The following CTSE variants were observed in gnomAD, a reference collection of about 807,000 sequenced individuals.
CTSE encodes cathepsin E.
Under a neutral mutation model 42.8 loss-of-function variants are expected in CTSE, and 43 were observed. The ratio of observed to expected loss-of-function variants is 1.01; its 90% CI spans 0.79 to 1.30. The LOEUF is 1.30. CTSE is among the 50% of genes most tolerant of loss of function. The pLI is 0.00. For missense variants in CTSE, 532 were observed against 493.5 expected, an observed-to-expected ratio of 1.08 and a Z score of -0.74; for synonymous variants, 205 against 191.5, an observed-to-expected ratio of 1.07 and a Z score of -0.58.
intron 8 of CTSE, 58 bp downstream of exon 8, chr1:206,012,250 A>G: frequency 1.4e-6 from 2 of 1,390,132 alleles, no homozygotes; most frequent in Non-Finnish European, 2.0e-6. Flanking sequence ...TGAAAAGGGG[A>G]AGTGGCAGGC....
At chr1:206,014,004 G>A in intron 5 of CTSE, 110 bp from the exon 6 acceptor site, 1 of 1,202,456 alleles carries the variant, frequency 8.3e-7, no homozygotes. Flanking sequence ...ACACAGGTAG[G>A]CAGAAACATC....
Position 206,022,938 on chromosome 1 carries a change from T to G in CTSE, c.188A>C (p.Asp63Ala). The G allele has an allele frequency of 6.2e-7, 1 of 1,600,484 alleles. No individual in the cohort carries two copies. Among genetic ancestry groups the G allele is most frequent in the Non-Finnish European group, 8.5e-7 (1 of 1,171,670 alleles). The change falls in exon 2 of 9, where the codon GAC (aspartate) becomes GCC (alanine). Residue 63 changes from aspartate (D) to alanine (A), a missense_variant. By Grantham distance (126) the Asp-to-Ala change is moderately radical (BLOSUM62 -2). Transcript: ENST00000358184. ...MIQFTESCSM[D>A]QSAKEPLINY... ...GATGAGGGGTTCCTTGGCACTCTGGTCCATTGAGCAGGACTCGGTGAACTG... is the reference window on the plus strand; with the variant it reads ...GATGAGGGGTTCCTTGGCACTCTGGGCCATTGAGCAGGACTCGGTGAACTG...
chr1:206,013,880 C>A lies in CTSE; in HGVS notation c.677G>T (p.Gly226Val). Reference protein sequence around the residue: ...SVYMSSNPEGGAGSELIFGGY... With the variant: ...SVYMSSNPEGVAGSELIFGGY... ...TCCAAAAATCAGCTCGCTCCCCGCA[C>A]CACCTTCTGGGTTACTACATGGAGA... The change falls in exon 6 of 9, where the codon GGT becomes GTT. Residue 226 changes from glycine (G) to valine (V), a missense_variant. Transcript: ENST00000358184. 1 of 1,613,704 alleles carries A rather than the reference C, an allele frequency of 6.2e-7. No individual in the cohort carries two copies. The highest frequency in any genetic ancestry group is 1.7e-5 in the Admixed American group (1 of 59,992).
intron 3 of CTSE, 66 bp downstream of exon 3, chr1:206,022,084 T>G: frequency 9.1e-7 from 1 of 1,095,262 alleles, no homozygotes; most frequent in Non-Finnish European, 1.3e-6. Context: ...TTCCCCAGAG[T>G]ACCAGGCTTG....
At chr1:206,012,742 A>T in intron 6 of CTSE, 93 bp from the exon 7 acceptor site, 5 of 1,397,312 alleles carry the variant, frequency 3.6e-6, no homozygotes, top group Non-Finnish European at 5.0e-6. Flanking sequence ...CCTGGAGCAC[A>T]TCAATGATTT....
At chr1:206,016,657 T>C (rs982128606) in intron 4 of CTSE, among the ~76,000 whole-genome samples, 6 of 152,136 alleles carry the variant, frequency 3.9e-5, no homozygotes, top group African/African-American at 1.2e-4. Flanking sequence ...TCTATCTGGA[T>C]ATTCATATGA....
chr1:206,011,118 A>G (rs1661086415), intron 8 of CTSE, among the ~76,000 whole-genome samples: 1 of 152,028 alleles, frequency 6.6e-6, no homozygotes, highest in South Asian at 2.1e-4. Flanking sequence ...CACTCACTGT[A>G]CTGCGAAAGA....
rs1204668602 is a variant in CTSE at position 206,012,525 on chromosome 1, C to CT, written c.909dup (p.Ala304SerfsTer15). 2 of 1,613,932 alleles carry CT rather than the reference C, an allele frequency of 1.2e-6. No homozygotes were observed. The highest frequency in any genetic ancestry group is 2.7e-5 in the African/African-American group (2 of 74,938). On this transcript the variant is annotated frameshift_variant, in exon 7 of 9. Coordinates refer to ENST00000358184, the MANE Select transcript of CTSE (RefSeq NM_001910.4). LOFTEE classifies it high-confidence loss of function. Reference sequence around the variant, plus strand: ...GCACTCACTTCTCCATCCACGGGGGCTGCCCCAATGGCGTTTTGCAGCTGC... The same window carrying CT: ...GCACTCACTTCTCCATCCACGGGGGCTTGCCCCAATGGCGTTTTGCAGCTGC...
Position 206,010,084 on chromosome 1 carries a change from A to G in CTSE, c.*99T>C, listed in dbSNP as rs1661042404. On this transcript the variant is annotated 3_prime_UTR_variant, in exon 9 of 9. Transcript: ENST00000358184. ...TCAAGTTGCAACCCTGGAAACAGCT[A>G]CATTCTCTGGAAAATAACTTTTTGT... The G allele has an allele frequency of 3.4e-6, 5 of 1,480,662 alleles. No homozygotes were observed. In the South Asian group the frequency reaches 5.8e-5, roughly 17 times the overall value. 91.7% of individuals were successfully genotyped at this position (1,480,662 alleles called of 1,614,324 possible).
chr1:206,023,118 T>G, intron 1 of CTSE, 61 bp from the exon 2 acceptor site: 1 of 1,228,840 alleles, frequency 8.1e-7, no homozygotes, highest in South Asian at 1.2e-5. Flanking sequence ...CCCCCCATTC[T>G]CGTCCCATTT....
chr1:206,019,072 C>T (rs1287660901), intron 4 of CTSE, among the ~76,000 whole-genome samples: 1 of 152,082 alleles, frequency 6.6e-6, no homozygotes, highest in Non-Finnish European at 1.5e-5. Context: ...GCATCAGCTT[C>T]ATCTACAAAT....
At chr1:206,014,754 A>T (rs937572558) in intron 5 of CTSE, among the ~76,000 whole-genome samples, 1 of 152,074 alleles carries the variant, frequency 6.6e-6, no homozygotes, top group Non-Finnish European at 1.5e-5. Flanking sequence ...GATATTCTCC[A>T]TTACAGCCCA....
At chr1:206,016,224 A>G in intron 4 of CTSE, 94 bp from the exon 5 acceptor site, 1 of 1,160,902 alleles carries the variant, frequency 8.6e-7, no homozygotes, top group Non-Finnish European at 1.3e-6. Flanking sequence ...TCTTGAAGCT[A>G]ATGCCTCTCC....
chr1:206,011,278 C>A (rs1214489809), intron 8 of CTSE, among the ~76,000 whole-genome samples: 2 of 151,986 alleles, frequency 1.3e-5, no homozygotes, highest in Non-Finnish European at 2.9e-5. Context: ...CACGCACCTC[C>A]CCTCCCCTGG....
At position 206,022,985 on chromosome 1, in the gene CTSE, T is replaced by C. The variant is rs1553278700; in HGVS notation, c.141A>G (p.Lys47=). ...ACTGGATCATGTCCAAATTATGGGATTTCCAGAACTCAGAGAGCTGGCTCC... is the reference window on the plus strand; with the variant it reads ...ACTGGATCATGTCCAAATTATGGGACTTCCAGAACTCAGAGAGCTGGCTCC... ...RARSQLSEFW[K]SHNLDMIQFT... Residue 47 remains lysine (K), a synonymous_variant, in exon 2 of 9, where the codon AAA becomes AAG. Transcript: ENST00000358184. The C allele has an allele frequency of 6.2e-7, 1 of 1,612,514 alleles. No individual in the cohort carries two copies. The highest frequency in any genetic ancestry group is 8.5e-7 in the Non-Finnish European group (1 of 1,179,062).
intron 5 of CTSE, 46 bp from the exon 6 acceptor site, chr1:206,013,940 A>G (rs1553277477): frequency 1.9e-6 from 3 of 1,604,736 alleles, no homozygotes; most frequent in Non-Finnish European, 2.6e-6. Flanking sequence ...CCACTGCAAA[A>G]CTCTAGGGGT....
chr1:206,010,349 T>C lies in CTSE; in HGVS notation c.1027-2A>G. The C allele has an allele frequency of 6.2e-7, 1 of 1,612,218 alleles. No individual in the cohort carries two copies. The highest frequency in any genetic ancestry group is 1.1e-5 in the South Asian group (1 of 91,032). On this transcript the variant is annotated splice_acceptor_variant, in intron 8 of 8. Transcript: ENST00000358184. LOFTEE classifies it high-confidence loss of function. Reference sequence around the variant, plus strand: ...GAACTGCATTCCATCCACGAAGTCCTGTGGGTTGGAAAGAAGGATGCAAAT... The same window carrying C: ...GAACTGCATTCCATCCACGAAGTCCCGTGGGTTGGAAAGAAGGATGCAAAT...
rs782492972 is a variant in CTSE at position 206,012,412 on chromosome 1, A to G, written c.928-6T>C. 18 of 1,613,812 alleles carry G rather than the reference A, an allele frequency of 1.1e-5. No individual in the cohort carries two copies. Among genetic ancestry groups the G allele is most frequent in the Middle Eastern group, 3.3e-4 (2 of 6,060 alleles). Reference sequence around the variant, plus strand: ...TTGGCACACTCCACAGCATACTAAAACCCAATACGGAGGATCCGTTTAGAG... The same window carrying G: ...TTGGCACACTCCACAGCATACTAAAGCCCAATACGGAGGATCCGTTTAGAG... On this transcript the variant is annotated splice_region_variant and splice_polypyrimidine_tract_variant and intron_variant, in intron 7 of 8. Coordinates refer to ENST00000358184, the MANE Select transcript of CTSE (RefSeq NM_001910.4).
rs1236012767 is a variant in CTSE at position 206,012,634 on chromosome 1, G to T, written c.801C>A (p.Gly267=). 1 of 1,613,720 alleles carries T rather than the reference G, an allele frequency of 6.2e-7. No homozygotes were observed. Among genetic ancestry groups the T allele is most frequent in the Non-Finnish European group, 8.5e-7 (1 of 1,179,846 alleles). Residue 267 remains glycine (G), a synonymous_variant, in exon 7 of 9, where the codon GGC becomes GGA. Transcript: ENST00000358184. ...AGCCCTCGGAGCAGAACATAACAGT[G>T]CCTCCCACCTGGATGCTGAGGGGAC... The part of the protein sequence containing the change: ...QIALDNIQVG[G]TVMFCSEGCQ...
Sources: gnomAD v4.1 joint callset for allele counts (sites outside exome capture counted in the v4.1 genomes callset) on GRCh38, gnomAD v4.1.1 for gene constraint, MANE v1.5 for transcripts, NCBI Gene and HGNC (gene_info 2026-07-23, HGNC 2026-07-21) for gene names.